GABBR2: variants seen among roughly 807,000 people sequenced by gnomAD.
The protein encoded by GABBR2 is gamma-aminobutyric acid type B receptor subunit 2, also known as G-protein coupled receptor 51.
In GABBR2, 23 loss-of-function variants were observed where a neutral mutation model predicts 105.6. The ratio of observed to expected loss-of-function variants is 0.22; its 90% CI spans 0.16 to 0.31. The LOEUF (loss-of-function observed/expected upper bound fraction) is 0.31, where lower values mean the gene tolerates loss of function less well. Among genes scored for constraint, GABBR2 ranks in the 10% least tolerant of loss-of-function variants. The pLI, the probability that GABBR2 is intolerant of heterozygous loss-of-function variation, is 1.00. For synonymous variants in GABBR2, 478 were observed against 499.7 expected, an observed-to-expected ratio of 0.96 and a Z score of 0.58; for missense variants, 734 against 1,245.5, an observed-to-expected ratio of 0.59 and a Z score of 6.18.
chr9:98,362,950 G>C, intron 12 of GABBR2, 113 bp from the exon 13 acceptor site: 8 of 865,298 alleles, frequency 9.2e-6, no homozygotes, highest in Non-Finnish European at 1.3e-5. Context: ...CAGCCGGAGA[G>C]TCTCCTGCGA....
At chr9:98,589,187 C>T (rs1451688632) in intron 1 of GABBR2, among the ~76,000 whole-genome samples, 1 of 152,172 alleles carries the variant, frequency 6.6e-6, no homozygotes, top group East Asian at 1.9e-4. Flanking sequence ...TAGAGCAGTG[C>T]TGCTGCCAGG....
At chr9:98,557,892 G>T (rs1237794916) in intron 2 of GABBR2, among the ~76,000 whole-genome samples, 2 of 152,186 alleles carry the variant, frequency 1.3e-5, no homozygotes, top group Non-Finnish European at 2.9e-5. Context: ...ATATGAAAAT[G>T]ATAACGTCAG....
chr9:98,430,234 G>A (rs1825779936), intron 7 of GABBR2, among the ~76,000 whole-genome samples: 1 of 146,136 alleles, frequency 6.8e-6, no homozygotes, highest in Admixed American at 7.1e-5. Flanking sequence ...AGATTGCAGT[G>A]AGCCAAGATC....
At chr9:98,321,241 G>A (rs16914862) in intron 13 of GABBR2, among the ~76,000 whole-genome samples, 10,334 of 152,174 alleles carry the variant, frequency 0.068, 419 homozygotes, top group African/African-American at 0.092. Flanking sequence ...GATTTTTGTT[G>A]AAGGCACATT....
intron 11 of GABBR2, among the ~76,000 whole-genome samples, chr9:98,380,743 T>G (rs902757067): frequency 1.3e-5 from 2 of 152,156 alleles, no homozygotes; most frequent in Non-Finnish European, 2.9e-5. Context: ...TAAGAGAAAC[T>G]GCATCCCTAG....
chr9:98,622,431 G>A (rs1453857129), intron 1 of GABBR2, among the ~76,000 whole-genome samples: 2 of 152,128 alleles, frequency 1.3e-5, no homozygotes, highest in Admixed American at 1.3e-4. Context: ...CTCCCAAAGT[G>A]CTAACGCCCA....
At chr9:98,675,139 C>T (rs534026866) in intron 1 of GABBR2, among the ~76,000 whole-genome samples, 12 of 152,284 alleles carry the variant, frequency 7.9e-5, no homozygotes, top group Non-Finnish European at 1.3e-4. Context: ...AGTTCCCACA[C>T]CAGGTCAAAC....
intron 1 of GABBR2, among the ~76,000 whole-genome samples, chr9:98,603,256 TTC>T (rs1829368357): frequency 6.6e-6 from 1 of 152,250 alleles, no homozygotes; most frequent in Non-Finnish European, 1.5e-5. Context: ...GAAATCATTC[TTC>T]CAGCAACTTC....
intron 13 of GABBR2, among the ~76,000 whole-genome samples, chr9:98,340,719 CTGA>C (rs1831197718): frequency 1.3e-5 from 2 of 152,170 alleles, no homozygotes; most frequent in Admixed American, 1.3e-4. Context: ...AAGGAGCACC[CTGA>C]TGATGAACCA....
intron 6 of GABBR2, among the ~76,000 whole-genome samples, chr9:98,469,795 T>C (rs1393162017): frequency 1.3e-5 from 2 of 152,128 alleles, no homozygotes; most frequent in Non-Finnish European, 2.9e-5. Flanking sequence ...ATTTGTACAA[T>C]AGTGAGGATG....
At chr9:98,448,440 C>A (rs1005016509) in intron 7 of GABBR2, among the ~76,000 whole-genome samples, 1 of 152,032 alleles carries the variant, frequency 6.6e-6, no homozygotes, top group Non-Finnish European at 1.5e-5. Flanking sequence ...TATTTTATTT[C>A]TTTTTTGAGA....
chr9:98,295,949 A>G (rs1014303646), intron 17 of GABBR2, among the ~76,000 whole-genome samples: 1 of 152,218 alleles, frequency 6.6e-6, no homozygotes, highest in African/African-American at 2.4e-5. Flanking sequence ...TATAGGAGCA[A>G]TGGTTCAGTA....
At chr9:98,383,430 C>T (rs1162425360) in intron 11 of GABBR2, among the ~76,000 whole-genome samples, 5 of 152,214 alleles carry the variant, frequency 3.3e-5, no homozygotes, top group Non-Finnish European at 5.9e-5. Context: ...AGGCCATACT[C>T]TTTTGATCTT....
At chr9:98,447,060 C>CTTTTTTTTTTTT (rs1564072366) in intron 7 of GABBR2, among the ~76,000 whole-genome samples, 32 of 115,858 alleles carry the variant, frequency 2.8e-4, no homozygotes, top group African/African-American at 1.1e-3. Flanking sequence ...CTAAAAAAGA[C>CTTTTTTTTTTTT]TTCTTTTTTT....
At chr9:98,476,361 C>T (rs115434572) in intron 5 of GABBR2, among the ~76,000 whole-genome samples, 1,602 of 152,196 alleles carry the variant, frequency 0.011, 33 homozygotes, top group African/African-American at 0.037. Context: ...TTGATGAAGA[C>T]AAAACTTTTT....
chr9:98,376,738 T>C (rs10986062), intron 11 of GABBR2, among the ~76,000 whole-genome samples: 15,610 of 152,178 alleles, frequency 0.1, 849 homozygotes, highest in Middle Eastern at 0.17. Context: ...AAGACCTGTA[T>C]AGAAAATCTT....
intron 6 of GABBR2, among the ~76,000 whole-genome samples, chr9:98,466,136 T>A (rs1262534504): frequency 6.6e-6 from 1 of 152,224 alleles, no homozygotes; most frequent in Non-Finnish European, 1.5e-5. Flanking sequence ...CCATGCTTCC[T>A]GTACAGCCTG....
At position 98,399,507 on chromosome 9, in the gene GABBR2, C is replaced by T. The variant is rs1031889672; in HGVS notation, c.1298-5252G>A. On this transcript the variant is annotated intron_variant, in intron 8 of 18. Transcript: ENST00000259455. ...CACACTTTGCTGTTGTCTGTGTCTA[C>T]TCCTCATTGCACTGGATGGGCTGTG... Among the ~76,000 whole-genome samples, 4 of 152,172 alleles carry T rather than the reference C, an allele frequency of 2.6e-5. No homozygotes were observed. The East Asian group carries it at 7.7e-4, about 29-fold the overall frequency.
chr9:98,556,614 C>T (rs1828588845), intron 2 of GABBR2, among the ~76,000 whole-genome samples: 1 of 152,172 alleles, frequency 6.6e-6, no homozygotes, highest in Non-Finnish European at 1.5e-5. Context: ...GTGAGTGCCG[C>T]TGTGTGCCTG....
Sources: allele counts gnomAD v4.1 joint callset (sites outside exome capture counted in the v4.1 genomes callset), GRCh38; gene constraint gnomAD v4.1.1; transcripts MANE v1.5; gene names NCBI Gene and HGNC (gene_info 2026-07-23, HGNC 2026-07-21).